Variants in SYT1 observed in about 807,000 individuals in gnomAD.
SYT1 encodes synaptotagmin 1, also known as synaptotagmin-1.
SYT1 carries 8 observed loss-of-function variants against 44.8 expected under a neutral mutation model. That is an observed-to-expected ratio of 0.18 (90% CI 0.10 to 0.32). The LOEUF (loss-of-function observed/expected upper bound fraction) is 0.32. SYT1 is among the 10% of genes least tolerant of loss of function. The pLI is 1.00. For synonymous variants in SYT1, 154 were observed against 188.8 expected (o/e 0.82, Z 1.51); for missense variants, 286 against 509.3 (o/e 0.56, Z 4.22).
At chr12:79,256,847 C>T (rs1245833) in intron 4 of SYT1, among the ~76,000 whole-genome samples, 107,729 of 151,794 alleles carry the variant, frequency 0.71, 38,743 homozygotes, top group African/African-American at 0.79. Context: ...ACAAAATGTA[C>T]TTACACAATA....
At chr12:78,929,446 A>AG (rs1282553693) in intron 1 of SYT1, among the ~76,000 whole-genome samples, 4 of 128,592 alleles carry the variant, frequency 3.1e-5, no homozygotes, top group Admixed American at 7.7e-5. Flanking sequence ...AAAAAAAAAA[A>AG]GGTTATTAGC....
chr12:79,205,202 T>G (rs1393621385), intron 3 of SYT1, among the ~76,000 whole-genome samples: 1 of 152,130 alleles, frequency 6.6e-6, no homozygotes, highest in Non-Finnish European at 1.5e-5. Context: ...GACCTCGTGA[T>G]CTGCCCGCCT....
chr12:79,401,104 A>C (rs1885051507), intron 9 of SYT1, among the ~76,000 whole-genome samples: 1 of 152,170 alleles, frequency 6.6e-6, no homozygotes, highest in African/African-American at 2.4e-5. Context: ...TTGTTATTAT[A>C]ATACATATCA....
intron 1 of SYT1, among the ~76,000 whole-genome samples, chr12:78,868,141 A>G (rs1188414906): frequency 6.6e-6 from 1 of 151,904 alleles, no homozygotes; most frequent in Non-Finnish European, 1.5e-5. Flanking sequence ...AGTTTGTGCA[A>G]CAACCAAGAA....
intron 4 of SYT1, among the ~76,000 whole-genome samples, chr12:79,261,024 T>A (rs1267006273): frequency 6.6e-6 from 1 of 152,150 alleles, no homozygotes; most frequent in African/African-American, 2.4e-5. Flanking sequence ...GGAACTTCAG[T>A]GGTCTCACAT....
intron 2 of SYT1, among the ~76,000 whole-genome samples, chr12:79,024,515 T>G (rs1169391067): frequency 1.3e-5 from 2 of 151,872 alleles, no homozygotes; most frequent in East Asian, 1.9e-4. Context: ...TAATCAAATA[T>G]TAACTGAATG....
chr12:78,931,215 GAAAGAAAGAAA>G lies in SYT1; in HGVS notation c.-216-46583_-216-46573del, dbSNP rs1877643623. Among the ~76,000 whole-genome samples the G allele has an allele frequency of 3.8e-5, 2 of 52,128 alleles. 1 individual carries two copies. Among genetic ancestry groups the G allele is most frequent in the African/African-American group, 2.2e-4 (2 of 9,132 alleles). The allele number at this position is 52,128 out of a possible 152,430, so 34.2% of individuals were successfully genotyped here. A position where few individuals can be genotyped will look rare whatever the true frequency, so the allele number is the denominator to read the frequency against. ...AGAAAGAAAGAAAGAAAGAAAGAAA[GAAAGAAAGAAA>G]GAAAGAAAGAAAGAAGGAAGGAAGG... On this transcript the variant is annotated intron_variant, in intron 1 of 10. Transcript: ENST00000261205.
intron 3 of SYT1, among the ~76,000 whole-genome samples, chr12:79,064,370 A>G (rs1351025886): frequency 6.6e-6 from 1 of 152,166 alleles, no homozygotes; most frequent in African/African-American, 2.4e-5. Flanking sequence ...CAGCAAAGAA[A>G]TTTATTTTGA....
At position 79,102,514 on chromosome 12, in the gene SYT1, C is replaced by T. The variant is rs150857885; in HGVS notation, c.-18+55152C>T. Among the ~76,000 whole-genome samples the T allele has an allele frequency of 3.0e-3, 459 of 152,264 alleles. 2 individuals are homozygous for T. Among genetic ancestry groups the T allele is most frequent in the Middle Eastern group, 0.01 (3 of 292 alleles). ...CCTTCTCTCTGTGTTTCCTCCTTAG[C>T]ACTTCAATAACTAAAATGCTGTATG... On this transcript the variant is annotated intron_variant, in intron 3 of 10. Transcript: ENST00000261205.
chr12:79,064,992 G>GAAAGAAAGAA (rs1875725642), intron 3 of SYT1, among the ~76,000 whole-genome samples: 1 of 137,926 alleles, frequency 7.3e-6, no homozygotes, highest in African/African-American at 2.7e-5. Context: ...AAGAAAGAAA[G>GAAAGAAAGAA]AAAGAAAAGG....
At chr12:79,254,453 A>G (rs1877400721) in intron 4 of SYT1, among the ~76,000 whole-genome samples, 1 of 152,220 alleles carries the variant, frequency 6.6e-6, no homozygotes, top group African/African-American at 2.4e-5. Context: ...CAATACACAC[A>G]GTCACCCAAG....
chr12:78,918,072 G>A (rs1045139163), intron 1 of SYT1, among the ~76,000 whole-genome samples: 1 of 151,992 alleles, frequency 6.6e-6, no homozygotes, highest in Non-Finnish European at 1.5e-5. Context: ...ATAATGCCAG[G>A]ATTTTTTTAA....
intron 8 of SYT1, among the ~76,000 whole-genome samples, chr12:79,307,917 T>A (rs1176166299): frequency 6.6e-6 from 1 of 152,184 alleles, no homozygotes; most frequent in Non-Finnish European, 1.5e-5. Context: ...AATTGATGCC[T>A]GTTGGGGATG....
Position 79,449,036 on chromosome 12 carries a change from T to C in SYT1, c.1181T>C (p.Met394Thr). 1.7e-5 allele frequency: 27 copies of C among 1,614,216 alleles called. No individual in the cohort carries two copies. The highest frequency in any genetic ancestry group is 2.3e-5 in the Non-Finnish European group (27 of 1,180,018). The change falls in exon 11 of 11, where the codon ATG becomes ACG. Residue 394 changes from methionine to threonine, a missense_variant. Around this residue, in one of 6 missense-constraint regions of SYT1, gnomAD observed 34 missense variants for 59.0 expected, o/e 0.58. Coordinates refer to ENST00000261205, the MANE Select transcript of SYT1 (RefSeq NM_005639.3). ...TGAELRHWSD[M>T]LANPRRPIAQ... ...GCGGAGCTGCGACACTGGTCAGACA[T>C]GCTGGCCAACCCCAGGCGACCTATT...
At chr12:78,977,131 A>T (rs1298264057) in intron 1 of SYT1, among the ~76,000 whole-genome samples, 1 of 152,164 alleles carries the variant, frequency 6.6e-6, no homozygotes, top group East Asian at 1.9e-4. Flanking sequence ...AGGCGAAGGA[A>T]GGGAACCCGA....
intron 4 of SYT1, among the ~76,000 whole-genome samples, chr12:79,241,292 A>G (rs1876496474): frequency 1.3e-5 from 2 of 151,396 alleles, no homozygotes; most frequent in South Asian, 2.1e-4. Flanking sequence ...ATTTTTGGAG[A>G]TGAAGTCTCA....
At position 79,045,228 on chromosome 12, in the gene SYT1, C is replaced by T. The variant is rs555318156; in HGVS notation, c.-83-2069C>T. The stretch of plus-strand genomic sequence containing the variant: ...GGCGCCCCTCCCCCAGCCTGGCTGC[C>T]GCCTTGCAGTTTGATCTCAGACTGC... On this transcript the variant is annotated intron_variant, in intron 2 of 10. Coordinates refer to ENST00000261205, the MANE Select transcript of SYT1 (RefSeq NM_005639.3). Among the ~76,000 whole-genome samples the T allele has an allele frequency of 1.8e-3, 267 of 152,288 alleles. 1 individual carries two copies. The highest frequency in any genetic ancestry group is 6.1e-3 in the African/African-American group (252 of 41,574).
intron 8 of SYT1, among the ~76,000 whole-genome samples, chr12:79,342,404 T>G (rs1392464300): frequency 6.7e-6 from 1 of 148,886 alleles, no homozygotes; most frequent in Non-Finnish European, 1.5e-5. Context: ...GCTATTTTTT[T>G]GTTTTTTGTA....
At chr12:79,055,905 A>G (rs1374430386) in intron 3 of SYT1, among the ~76,000 whole-genome samples, 3 of 152,020 alleles carry the variant, frequency 2.0e-5, no homozygotes, top group Admixed American at 6.6e-5. Flanking sequence ...ATTTCAGTCA[A>G]TGATGGACTG....
Sources: gnomAD v4.1 joint callset for allele counts (sites outside exome capture counted in the v4.1 genomes callset) on GRCh38, gnomAD v4.1.1 for gene constraint, gnomAD v4.1.1 regional missense constraint, MANE v1.5 for transcripts, NCBI Gene and HGNC (gene_info 2026-07-23, HGNC 2026-07-21) for gene names.